Variants in OR2T27 observed in about 807,000 individuals in gnomAD.
OR2T27 encodes olfactory receptor 2T27.
For synonymous variants in OR2T27, 51 were observed against 152.9 expected (o/e 0.33, Z 4.92); for missense variants, 152 against 397.2 (o/e 0.38, Z 5.25).
In OR2T27 at chr1:248,649,866, A is replaced by G; in HGVS notation, c.*65T>C. On this transcript the variant is annotated 3_prime_UTR_variant, in exon 2 of 2. Transcript: ENST00000460972. The stretch of plus-strand genomic sequence containing the variant: ...TTGTTTCCAGGCAGAGAATATTTAA[A>G]TTCAAGGGCAATGATAAAGTCTTGT... 1 of 1,110,206 alleles carries G rather than the reference A, an allele frequency of 9.0e-7. No homozygotes were observed. The highest frequency in any genetic ancestry group is 1.4e-6 in the Non-Finnish European group (1 of 739,806). The allele number at this position is 1,110,206 out of a possible 1,614,324, so 68.8% of individuals were successfully genotyped here. A position where few individuals can be genotyped will look rare whatever the true frequency, so the allele number is the denominator to read the frequency against.
In OR2T27 at chr1:248,655,276, T is replaced by G. The variant is rs562221066; in HGVS notation, c.-5+168A>C. Among the ~76,000 whole-genome samples, 220 of 129,772 alleles carry G rather than the reference T, an allele frequency of 1.7e-3. 5 individuals are homozygous for G. Among genetic ancestry groups the G allele is most frequent in the African/African-American group, 5.6e-3 (218 of 38,908 alleles). 85.1% of individuals were successfully genotyped at this position (129,772 alleles called of 152,430 possible). A position where few individuals can be genotyped will look rare whatever the true frequency, so the allele number is the denominator to read the frequency against. ...ACTACTAAGAAACGAGATTGAATTATCTAAGATTTATATATTAGTACCATC... is the reference window on the plus strand; with the variant it reads ...ACTACTAAGAAACGAGATTGAATTAGCTAAGATTTATATATTAGTACCATC... On this transcript the variant is annotated intron_variant, in intron 1 of 1. Transcript: ENST00000460972.
At position 248,650,777 on chromosome 1, in the gene OR2T27, CAA is replaced by C; in HGVS notation, c.106_107del (p.Leu36AspfsTer75). On this transcript the variant is annotated frameshift_variant, in exon 2 of 2. Coordinates refer to ENST00000460972, the MANE Select transcript of OR2T27 (RefSeq NM_001001824.2). LOFTEE classifies it low-confidence loss of function (END_TRUNC). Reference sequence around the variant, plus strand: ...TGACCACGTTGCTGGCTATGGAGGTCAAAAAGACCAGGAGAATGAGGGCAAAG... The same window carrying C: ...TGACCACGTTGCTGGCTATGGAGGTCAAAGACCAGGAGAATGAGGGCAAAG... ...LLFALILLVF[L>X]TSIASNVVKI... is the part of the protein sequence containing the mutation. 3 of 1,604,262 alleles carry C rather than the reference CAA, an allele frequency of 1.9e-6. No individual in the cohort carries two copies. The highest frequency in any genetic ancestry group is 2.6e-6 in the Non-Finnish European group (3 of 1,173,296).
At chr1:248,652,334 TCC>T (rs891401248) in intron 1 of OR2T27, among the ~76,000 whole-genome samples, 6 of 150,616 alleles carry the variant, frequency 4.0e-5, no homozygotes, top group African/African-American at 1.2e-4. Flanking sequence ...TAAGGAAACT[TCC>T]CCAAGGAGGA....
chr1:248,652,904 T>C (rs1034279277), intron 1 of OR2T27, among the ~76,000 whole-genome samples: 12 of 148,406 alleles, frequency 8.1e-5, no homozygotes, highest in African/African-American at 2.9e-4. Context: ...GGCAAACATT[T>C]AGTAGCAATT....
In OR2T27 at chr1:248,653,742, T is replaced by C. The variant is rs550663632; in HGVS notation, c.-5+1702A>G. The stretch of plus-strand genomic sequence containing the variant: ...TGAAAAAAATTGAACATAGTGTATA[T>C]TTTGGCTATTTTGATTTTTCATGAC... On this transcript the variant is annotated intron_variant, in intron 1 of 1. Coordinates refer to ENST00000460972, the MANE Select transcript of OR2T27 (RefSeq NM_001001824.2). Among the ~76,000 whole-genome samples the C allele has an allele frequency of 1.2e-3, 106 of 89,632 alleles. 5 individuals are homozygous for C. The highest frequency in any genetic ancestry group is 2.8e-3 in the African/African-American group (100 of 35,614). 58.8% of individuals were successfully genotyped at this position (89,632 alleles called of 152,430 possible).
intron 1 of OR2T27, among the ~76,000 whole-genome samples, chr1:248,653,331 AAG>A (rs1457454899): frequency 1.6e-4 from 2 of 12,536 alleles, no homozygotes; most frequent in Non-Finnish European, 0.027. Flanking sequence ...AGCAACATTT[AAG>A]AATACTTGGA....
rs1392427983 is a variant in OR2T27 at position 248,655,425 on chromosome 1, A to T, written c.-5+19T>A. On this transcript the variant is annotated intron_variant, in intron 1 of 1. Coordinates refer to ENST00000460972, the MANE Select transcript of OR2T27 (RefSeq NM_001001824.2). ...TTAAAGCATCCTGCGATTGATCAGCATCAAGACTGCAAACTTACCTTACAC... is the reference window on the plus strand; with the variant it reads ...TTAAAGCATCCTGCGATTGATCAGCTTCAAGACTGCAAACTTACCTTACAC... 1.1e-5 allele frequency: 1 copy of T among 91,600 alleles called. No homozygotes were observed. Among genetic ancestry groups the T allele is most frequent in the Non-Finnish European group, 2.6e-5 (1 of 38,856 alleles). The allele number at this position is 91,600 out of a possible 1,614,324, so 5.7% of individuals were successfully genotyped here. A position where few individuals can be genotyped will look rare whatever the true frequency, so the allele number is the denominator to read the frequency against.
chr1:248,652,260 T>TA (rs1170040075), intron 1 of OR2T27, among the ~76,000 whole-genome samples: 1 of 151,524 alleles, frequency 6.6e-6, no homozygotes, highest in Non-Finnish European at 1.5e-5. Context: ...AAGTGATTCG[T>TA]AAATTTTACG....
At chr1:248,654,625 A>AT (rs1270246754) in intron 1 of OR2T27, among the ~76,000 whole-genome samples, 4 of 21,940 alleles carry the variant, frequency 1.8e-4, no homozygotes, top group African/African-American at 2.2e-4. Context: ...GTACAATCAG[A>AT]TTCATTATGT....
In OR2T27 at chr1:248,650,154, T is replaced by C. The variant is rs1572113417; in HGVS notation, c.731A>G (p.His244Arg). 2 of 1,565,532 alleles carry C rather than the reference T, an allele frequency of 1.3e-6. No homozygotes were observed. Among genetic ancestry groups the C allele is most frequent in the Admixed American group, 3.5e-5 (2 of 57,568 alleles). ...RGKAVATCSS[H>R]MVVVSLFYGA... ...ATAGAAGAGGCTGACAACCACCATGTGTGAGGAGCAGGTGGCCACAGCCTT... is the reference window on the plus strand; with the variant it reads ...ATAGAAGAGGCTGACAACCACCATGCGTGAGGAGCAGGTGGCCACAGCCTT... The change falls in exon 2 of 2, where the codon CAC (histidine) becomes CGC (arginine). Residue 244 changes from histidine to arginine, a missense_variant. By Grantham distance (29) the His-to-Arg change is conservative. Coordinates refer to ENST00000460972, the MANE Select transcript of OR2T27 (RefSeq NM_001001824.2).
Position 248,650,024 on chromosome 1 carries a change from T to C in OR2T27, c.861A>G (p.Pro287=), listed in dbSNP as rs1660967327. 6.3e-7 allele frequency: 1 copy of C among 1,576,938 alleles called. No individual in the cohort carries two copies. Among genetic ancestry groups the C allele is most frequent in the South Asian group, 1.1e-5 (1 of 88,842 alleles). Residue 287 remains proline, a synonymous_variant, in exon 2 of 2, where the codon CCA becomes CCG. Coordinates refer to ENST00000460972, the MANE Select transcript of OR2T27 (RefSeq NM_001001824.2). Reference sequence around the variant, plus strand: ...CCTTGTTCCTAAGGCTGTAAATGAGTGGATTGAGCATGGGAGTAAGGATGG... The same window carrying C: ...CCTTGTTCCTAAGGCTGTAAATGAGCGGATTGAGCATGGGAGTAAGGATGG... ...FYTILTPMLN[P]LIYSLRNKDV... is the part of the protein sequence containing the mutation.
intron 1 of OR2T27, chr1:248,651,609 G>T (rs1661019346): frequency 1.4e-5 from 1 of 70,960 alleles, no homozygotes; most frequent in African/African-American, 2.8e-5. Flanking sequence ...TAAAGTGTTA[G>T]AATCCCATTT....
intron 1 of OR2T27, among the ~76,000 whole-genome samples, chr1:248,653,365 T>C (rs1661059861): frequency 1.5e-5 from 2 of 133,134 alleles, no homozygotes; most frequent in Non-Finnish European, 3.3e-5. Flanking sequence ...TCAACTGGAT[T>C]ATGCCATGCC....
In OR2T27 at chr1:248,650,814, G is replaced by A; in HGVS notation, c.71C>T (p.Pro24Leu). ...GAGAATGAGGGCAAAGAGAAGCCAG[G>A]GGAAACGGGCGTTGCTGAACAAACC... Reference protein sequence around the residue: ...LLGLFSNARFPWLLFALILLV... With the variant: ...LLGLFSNARFLWLLFALILLV... The change falls in exon 2 of 2, where the codon CCC becomes CTC. Residue 24 changes from proline (P) to leucine (L), a missense_variant. Pro to Leu is a moderately conservative substitution (Grantham distance 98). Transcript: ENST00000460972. The A allele has an allele frequency of 1.2e-6, 2 of 1,610,752 alleles. No homozygotes were observed. Among genetic ancestry groups the A allele is most frequent in the Non-Finnish European group, 1.7e-6 (2 of 1,177,974 alleles).
rs1284398253 is a variant in OR2T27 at position 248,649,941 on chromosome 1, G to A, written c.944C>T (p.Thr315Ile). 13 of 1,566,238 alleles carry A rather than the reference G, an allele frequency of 8.3e-6. No individual in the cohort carries two copies. Among genetic ancestry groups the A allele is most frequent in the East Asian group, 2.3e-5 (1 of 43,418 alleles). ...VGRCVSSGKV[T>I]TF ...GCATATGAAATTTCTTTAGAAAGTG[G>A]TTACCTTTCCTGAGGACACACACCT... The change falls in exon 2 of 2, where the codon ACC becomes ATC. Residue 315 changes from threonine to isoleucine, a missense_variant. Thr to Ile is a moderately conservative substitution (Grantham distance 89). Transcript: ENST00000460972.
In OR2T27 at chr1:248,653,720, A is replaced by G. The variant is rs192102552; in HGVS notation, c.-5+1724T>C. Among the ~76,000 whole-genome samples, 47 of 94,384 alleles carry G rather than the reference A, an allele frequency of 5.0e-4. 4 individuals are homozygous for G. Among genetic ancestry groups the G allele is most frequent in the African/African-American group, 1.2e-3 (44 of 35,668 alleles). The allele number at this position is 94,384 out of a possible 152,430, so 61.9% of individuals were successfully genotyped here. On this transcript the variant is annotated intron_variant, in intron 1 of 1. Transcript: ENST00000460972. ...ACTCACAATATGGATTTGATTATGA[A>G]AAAAATTGAACATAGTGTATATTTT...
chr1:248,649,887 C>G lies in OR2T27; in HGVS notation c.*44G>C, dbSNP rs754842656. 4 of 1,333,438 alleles carry G rather than the reference C, an allele frequency of 3.0e-6. No homozygotes were observed. The South Asian group carries it at 4.8e-5, about 16-fold the overall frequency. 82.6% of individuals were successfully genotyped at this position (1,333,438 alleles called of 1,614,324 possible). ...TTAAATTCAAGGGCAATGATAAAGT[C>G]TTGTATCCTTCATTTCAAGTCTCTA... On this transcript the variant is annotated 3_prime_UTR_variant, in exon 2 of 2. Transcript: ENST00000460972.
rs190374685 is a variant in OR2T27 at position 248,650,927 on chromosome 1, G to A, written c.-4-39C>T. On this transcript the variant is annotated intron_variant, in intron 1 of 1. Coordinates refer to ENST00000460972, the MANE Select transcript of OR2T27 (RefSeq NM_001001824.2). Reference sequence around the variant, plus strand: ...AAAAGAGATATGACAAAGTTGGAAAGGTATCTGATTTACATAAAACATTAT... The same window carrying A: ...AAAAGAGATATGACAAAGTTGGAAAAGTATCTGATTTACATAAAACATTAT... The A allele has an allele frequency of 1.3e-5, 14 of 1,112,440 alleles. No homozygotes were observed. The Admixed American group carries it at 1.8e-4, about 15-fold the overall frequency. The allele number at this position is 1,112,440 out of a possible 1,614,324, so 68.9% of individuals were successfully genotyped here.
At position 248,649,852 on chromosome 1, in the gene OR2T27, C is replaced by A. The variant is rs187173902; in HGVS notation, c.*79G>T. On this transcript the variant is annotated 3_prime_UTR_variant, in exon 2 of 2. Transcript: ENST00000460972. ...GGCATGTGGGTCACTTGTTTCCAGGCAGAGAATATTTAAATTCAAGGGCAA... is the reference window on the plus strand; with the variant it reads ...GGCATGTGGGTCACTTGTTTCCAGGAAGAGAATATTTAAATTCAAGGGCAA... 7.0e-5 allele frequency: 70 copies of A among 994,642 alleles called. 6 individuals carry two copies. The African/African-American group carries it at 1.1e-3, about 15-fold the overall frequency. The allele number at this position is 994,642 out of a possible 1,614,324, so 61.6% of individuals were successfully genotyped here.
Sources: gnomAD v4.1 joint callset for allele counts (sites outside exome capture counted in the v4.1 genomes callset) on GRCh38, gnomAD v4.1.1 for gene constraint, MANE v1.5 for transcripts, NCBI Gene and HGNC (gene_info 2026-07-23, HGNC 2026-07-21) for gene names.